Variants in GRIK1 observed in about 807,000 individuals in gnomAD.
GRIK1 encodes glutamate ionotropic receptor kainate type subunit 1.
A neutral mutation model predicts 105.7 loss-of-function variants in GRIK1; 69 were observed. That is an observed-to-expected ratio of 0.65 (90% CI 0.54 to 0.80). The LOEUF (loss-of-function observed/expected upper bound fraction) is 0.80, where lower values mean the gene tolerates loss of function less well. Among genes scored for constraint, GRIK1 ranks in the 30% least tolerant of loss-of-function variants. GRIK1 has a pLI of 0.00. For synonymous variants in GRIK1, 438 were observed against 431.3 expected, an observed-to-expected ratio of 1.02 and a Z score of -0.19; for missense variants, 1,109 against 1,167.3, an observed-to-expected ratio of 0.95 and a Z score of 0.73.
At chr21:29,650,221 T>C (rs762967550) in intron 6 of GRIK1, among the ~76,000 whole-genome samples, 1 of 152,126 alleles carries the variant, frequency 6.6e-6, no homozygotes, top group Non-Finnish European at 1.5e-5. Flanking sequence ...TTGTTCCTCA[T>C]AAGAAAAAGG....
chr21:29,666,146 G>A lies in GRIK1; in HGVS notation c.726+6837C>T, dbSNP rs535306692. On this transcript the variant is annotated intron_variant, in intron 4 of 17. Transcript: ENST00000327783. The stretch of plus-strand genomic sequence containing the variant: ...AAGCCAGGCTTGGTGGCTCACGCCT[G>A]TAATCCCAGCACTTTGGGAGGCCAA... Among the ~76,000 whole-genome samples the A allele has an allele frequency of 7.9e-5, 12 of 152,338 alleles. No individual in the cohort carries two copies. The East Asian group carries it at 2.1e-3, about 27-fold the overall frequency.
At chr21:29,574,558 A>G (rs2090836648) in intron 14 of GRIK1, among the ~76,000 whole-genome samples, 1 of 151,988 alleles carries the variant, frequency 6.6e-6, no homozygotes. Context: ...TCTTCACACT[A>G]TTGATTTTAG....
At chr21:29,637,745 A>G (rs568151031) in intron 7 of GRIK1, among the ~76,000 whole-genome samples, 2 of 152,160 alleles carry the variant, frequency 1.3e-5, no homozygotes, top group South Asian at 4.1e-4. Context: ...GTTATTTGAC[A>G]CCTGGTTTAT....
intron 14 of GRIK1, among the ~76,000 whole-genome samples, chr21:29,572,459 A>C (rs1333352542): frequency 6.8e-6 from 1 of 146,080 alleles, no homozygotes; most frequent in East Asian, 2.0e-4. Context: ...TCCTTCATTC[A>C]CTCTCCCTCC....
At chr21:29,669,012 A>G (rs1344202777) in intron 4 of GRIK1, among the ~76,000 whole-genome samples, 1 of 152,086 alleles carries the variant, frequency 6.6e-6, no homozygotes, top group African/African-American at 2.4e-5. Flanking sequence ...GTTTATGGAA[A>G]TTTTCCAACT....
chr21:29,560,326 TC>T (rs2090373952), intron 15 of GRIK1, among the ~76,000 whole-genome samples: 1 of 123,026 alleles, frequency 8.1e-6, no homozygotes, highest in African/African-American at 3.5e-5. Flanking sequence ...TTTCTTTCTT[TC>T]TTTCTTTCTT....
chr21:29,898,353 G>A (rs959423229), intron 1 of GRIK1, among the ~76,000 whole-genome samples: 2 of 152,194 alleles, frequency 1.3e-5, no homozygotes, highest in African/African-American at 4.8e-5. Flanking sequence ...AACATTGTGG[G>A]TGAGGAAATA....
chr21:29,854,433 T>G (rs2068400123), intron 1 of GRIK1, among the ~76,000 whole-genome samples: 1 of 151,998 alleles, frequency 6.6e-6, no homozygotes, highest in Admixed American at 6.6e-5. Flanking sequence ...GGAGTGAGCT[T>G]TCAAACACTT....
chr21:29,819,073 A>G (rs1454775631), intron 1 of GRIK1, among the ~76,000 whole-genome samples: 1 of 152,108 alleles, frequency 6.6e-6, no homozygotes. Context: ...GGCCTCATGT[A>G]TGTACATATT....
At chr21:29,720,583 G>T (rs928943648) in intron 1 of GRIK1, among the ~76,000 whole-genome samples, 1 of 151,968 alleles carries the variant, frequency 6.6e-6, no homozygotes, top group African/African-American at 2.4e-5. Flanking sequence ...ACTGAGAAAG[G>T]GCTGAAACTC....
chr21:29,712,699 T>C (rs2064085956), intron 1 of GRIK1, among the ~76,000 whole-genome samples: 1 of 152,224 alleles, frequency 6.6e-6, no homozygotes, highest in African/African-American at 2.4e-5. Flanking sequence ...AGTCTTTGCC[T>C]TGCCCATTTT....
intron 1 of GRIK1, among the ~76,000 whole-genome samples, chr21:29,935,502 T>A (rs939570716): frequency 1.3e-5 from 2 of 152,210 alleles, no homozygotes; most frequent in African/African-American, 4.8e-5. Flanking sequence ...TACACACTTA[T>A]GTAAAAATAT....
intron 1 of GRIK1, among the ~76,000 whole-genome samples, chr21:29,884,962 A>G (rs941453242): frequency 6.6e-6 from 1 of 152,076 alleles, no homozygotes; most frequent in African/African-American, 2.4e-5. Context: ...CTGTTCCATA[A>G]AAGATTCTAA....
At chr21:29,763,631 T>C (rs1230972274) in intron 1 of GRIK1, 1 of 152,264 alleles carries the variant, frequency 6.6e-6, no homozygotes, top group East Asian at 1.9e-4. Flanking sequence ...GAGCCAAATA[T>C]GCTCCTGATG....
At chr21:29,636,489 A>G (rs370169983) in intron 7 of GRIK1, among the ~76,000 whole-genome samples, 3 of 152,230 alleles carry the variant, frequency 2.0e-5, no homozygotes, top group Non-Finnish European at 2.9e-5. Flanking sequence ...TTTTAACAAT[A>G]ATAGATTTAA....
At chr21:29,751,602 G>A (rs2065203366) in intron 1 of GRIK1, among the ~76,000 whole-genome samples, 1 of 152,156 alleles carries the variant, frequency 6.6e-6, no homozygotes, top group South Asian at 2.1e-4. Context: ...ACTTGCAATT[G>A]CATGCTCCAT....
At chr21:29,674,389 G>C (rs918996669) in intron 3 of GRIK1, among the ~76,000 whole-genome samples, 1 of 151,374 alleles carries the variant, frequency 6.6e-6, no homozygotes, top group Non-Finnish European at 1.5e-5. Flanking sequence ...TAATGATATT[G>C]AACTTCAGAG....
intron 12 of GRIK1, among the ~76,000 whole-genome samples, chr21:29,584,568 T>A (rs1329335321): frequency 2.0e-5 from 3 of 151,696 alleles, no homozygotes; most frequent in Non-Finnish European, 4.4e-5. Context: ...GATGTCTACA[T>A]CTTTATAAAT....
In GRIK1 at chr21:29,555,125, C is replaced by G. The variant is rs764729519; in HGVS notation, c.2534G>C (p.Gly845Ala). Residue 845 changes from glycine (G) to alanine (A), a missense_variant, in exon 16 of 18, where the codon GGA (glycine) becomes GCA (alanine). Coordinates refer to ENST00000327783, the MANE Select transcript of GRIK1 (RefSeq NM_001330994.2). ...IGGIFIVLAAGLVLSVFVAIG... is the reference protein window; with the variant it reads ...IGGIFIVLAAALVLSVFVAIG... Reference sequence around the variant, plus strand: ...AGCTACAAATACAGAAAGGACCAGTCCGGCAGCCAGAACAATGAAGATGCC... The same window carrying G: ...AGCTACAAATACAGAAAGGACCAGTGCGGCAGCCAGAACAATGAAGATGCC... 6.2e-7 allele frequency: 1 copy of G among 1,613,362 alleles called. No homozygotes were observed. Among genetic ancestry groups the G allele is most frequent in the Non-Finnish European group, 8.5e-7 (1 of 1,179,336 alleles).
Sources: gnomAD v4.1 joint callset for allele counts (sites outside exome capture counted in the v4.1 genomes callset) on GRCh38, gnomAD v4.1.1 for gene constraint, MANE v1.5 for transcripts, NCBI Gene and HGNC (gene_info 2026-07-23, HGNC 2026-07-21) for gene names.